The following ILDR2 variants were observed in gnomAD, a reference collection of about 807,000 sequenced individuals.
The protein encoded by ILDR2 is immunoglobulin-like domain-containing receptor 2.
ILDR2 carries 25 observed loss-of-function variants against 66.8 expected under a neutral mutation model. The observed-to-expected ratio is 0.37, with a 90% CI of 0.27 to 0.52. The LOEUF (loss-of-function observed/expected upper bound fraction) is 0.52. Ranked by LOEUF, ILDR2 falls within the 20% of genes least tolerant of loss-of-function variation. ILDR2 has a pLI of 0.88. For synonymous variants in ILDR2, 367 were observed against 357.2 expected, an observed-to-expected ratio of 1.03 and a Z score of -0.31; for missense variants, 827 against 876.8, an observed-to-expected ratio of 0.94 and a Z score of 0.72.
At chr1:166,946,196 C>A (rs1661602148) in intron 3 of ILDR2, among the ~76,000 whole-genome samples, 1 of 152,194 alleles carries the variant, frequency 6.6e-6, no homozygotes, top group Non-Finnish European at 1.5e-5. Context: ...CAAGGGCACA[C>A]ACATCCCAGT....
At chr1:166,961,454 C>G (rs1571199159) in intron 1 of ILDR2, among the ~76,000 whole-genome samples, 1 of 152,142 alleles carries the variant, frequency 6.6e-6, no homozygotes, top group African/African-American at 2.4e-5. Context: ...ATAAAAAATA[C>G]ATTCTCAGAA....
chr1:166,967,116 T>C (rs1662998791), intron 1 of ILDR2, among the ~76,000 whole-genome samples: 1 of 152,216 alleles, frequency 6.6e-6, no homozygotes, highest in South Asian at 2.1e-4. Context: ...TGTGGCCATG[T>C]GACTAGGCTC....
chr1:166,905,685 T>C (rs953829456), downstream of ILDR2, among the ~76,000 whole-genome samples: 3 of 152,204 alleles, frequency 2.0e-5, no homozygotes, highest in African/African-American at 4.8e-5. Context: ...TATGTGCTGA[T>C]AAAAACACAT....
chr1:166,975,279 T>G lies in ILDR2; in HGVS notation c.-11A>C. On this transcript the variant is annotated 5_prime_UTR_variant, in exon 1 of 10. Coordinates refer to ENST00000271417, the MANE Select transcript of ILDR2 (RefSeq NM_199351.3). ...CAAGACCCTATCCATCTTCCCCAACTTCCCAGCCGAATTACGGAGTGAGGA... is the reference window on the plus strand; with the variant it reads ...CAAGACCCTATCCATCTTCCCCAACGTCCCAGCCGAATTACGGAGTGAGGA... 1.9e-6 allele frequency: 3 copies of G among 1,610,222 alleles called. No individual in the cohort carries two copies. Among genetic ancestry groups the G allele is most frequent in the Non-Finnish European group, 1.7e-6 (2 of 1,177,428 alleles).
rs1263384363 is a variant in ILDR2, at chr1:166,917,837, A to G, written c.*1518T>C. On this transcript the variant is annotated 3_prime_UTR_variant, in exon 10 of 10. Transcript: ENST00000271417. ...AGTTGACGGGCTGTCAGATAGGGTGACAAGGGTAACTGGGCCCTTTTCTTT... is the reference window on the plus strand; with the variant it reads ...AGTTGACGGGCTGTCAGATAGGGTGGCAAGGGTAACTGGGCCCTTTTCTTT... The G allele has an allele frequency of 6.6e-6, 1 of 152,236 alleles. No individual in the cohort carries two copies. Among genetic ancestry groups the G allele is most frequent in the East Asian group, 1.9e-4 (1 of 5,196 alleles). The allele number at this position is 152,236 out of a possible 1,614,324, so 9.4% of individuals were successfully genotyped here. A position where few individuals can be genotyped will look rare whatever the true frequency, so the allele number is the denominator to read the frequency against.
chr1:166,922,455 A>T, intron 8 of ILDR2, 138 bp downstream of exon 8: 1 of 705,544 alleles, frequency 1.4e-6, no homozygotes, highest in Non-Finnish European at 2.5e-6. Flanking sequence ...AATATCCTGT[A>T]GAAAGAGAGA....
At chr1:166,904,963 T>A (rs111386174), downstream of ILDR2, among the ~76,000 whole-genome samples, 1 of 152,032 alleles carries the variant, frequency 6.6e-6, no homozygotes, top group African/African-American at 2.4e-5. Context: ...AAAGAAAAAA[T>A]CCCTTTGTGC....
intron 2 of ILDR2, among the ~76,000 whole-genome samples, chr1:166,896,828 T>A (rs970356725): frequency 1.3e-5 from 2 of 151,984 alleles, no homozygotes; most frequent in African/African-American, 4.8e-5. Context: ...AGAGATGGGG[T>A]TTCACTATGT....
chr1:166,975,132 G>T, intron 1 of ILDR2, 91 bp downstream of exon 1: 2 of 1,112,638 alleles, frequency 1.8e-6, no homozygotes, highest in South Asian at 2.5e-5. Flanking sequence ...TGGTCAGTAA[G>T]GAGGAAAATG....
rs1481176154 is a variant in ILDR2, at chr1:166,914,450, T to C, written c.*4905A>G. The C allele has an allele frequency of 3.9e-5, 6 of 152,240 alleles. No homozygotes were observed. The East Asian group carries it at 1.2e-3, about 29-fold the overall frequency. The allele number at this position is 152,240 out of a possible 1,614,324, so 9.4% of individuals were successfully genotyped here. A position where few individuals can be genotyped will look rare whatever the true frequency, so the allele number is the denominator to read the frequency against. The stretch of plus-strand genomic sequence containing the variant: ...AACCATTTGACTACAGACAAGTCAC[T>C]TAGTATTTTTCAACCTCAGTTTTAC... On this transcript the variant is annotated 3_prime_UTR_variant, in exon 10 of 10. Coordinates refer to ENST00000271417, the MANE Select transcript of ILDR2 (RefSeq NM_199351.3).
At chr1:166,929,204 A>C (rs1491001526) in intron 6 of ILDR2, among the ~76,000 whole-genome samples, 2 of 152,182 alleles carry the variant, frequency 1.3e-5, no homozygotes, top group Non-Finnish European at 2.9e-5. Flanking sequence ...CCAACCTTTA[A>C]ATAATCTCTT....
chr1:166,953,897 T>C (rs1662126898), intron 3 of ILDR2, among the ~76,000 whole-genome samples: 1 of 152,230 alleles, frequency 6.6e-6, no homozygotes, highest in African/African-American at 2.4e-5. Flanking sequence ...ACTTATTCCA[T>C]CTTTAGATGT....
Position 166,975,329 on chromosome 1 carries a change from G to T in ILDR2, c.-61C>A. On this transcript the variant is annotated 5_prime_UTR_variant, in exon 1 of 10. Transcript: ENST00000271417. Reference sequence around the variant, plus strand: ...AAAGTGGGAAATGGCTGGAACAGAAGGATCGCTGTCACCCCGCGGCAGCGG... The same window carrying T: ...AAAGTGGGAAATGGCTGGAACAGAATGATCGCTGTCACCCCGCGGCAGCGG... The T allele has an allele frequency of 6.6e-7, 1 of 1,508,940 alleles. No individual in the cohort carries two copies. 93.5% of individuals were successfully genotyped at this position (1,508,940 alleles called of 1,614,324 possible). A position where few individuals can be genotyped will look rare whatever the true frequency, so the allele number is the denominator to read the frequency against.
rs898708218 is a variant in ILDR2 at position 166,912,293 on chromosome 1, A to G, written c.*7062T>C. The G allele has an allele frequency of 6.6e-6, 1 of 152,212 alleles. No individual in the cohort carries two copies. Among genetic ancestry groups the G allele is most frequent in the Non-Finnish European group, 1.5e-5 (1 of 68,024 alleles). The allele number at this position is 152,212 out of a possible 1,614,324, so 9.4% of individuals were successfully genotyped here. ...AATTATCTTTCAAGAACAAGAATGA[A>G]ATAAAGACTTTTACATCAACAAAGA... On this transcript the variant is annotated 3_prime_UTR_variant, in exon 10 of 10. Coordinates refer to ENST00000271417, the MANE Select transcript of ILDR2 (RefSeq NM_199351.3).
intron 3 of ILDR2, among the ~76,000 whole-genome samples, chr1:166,950,640 G>C (rs1661920836): frequency 6.6e-6 from 1 of 151,492 alleles, no homozygotes; most frequent in Admixed American, 6.6e-5. Context: ...ATACTATATG[G>C]CTTTTTAATA....
At chr1:166,965,570 G>GTTTTTTTTT (rs535388259) in intron 1 of ILDR2, among the ~76,000 whole-genome samples, 2 of 127,400 alleles carry the variant, frequency 1.6e-5, no homozygotes, top group Non-Finnish European at 1.6e-5. Flanking sequence ...GTTAGGTTTT[G>GTTTTTTTTT]TTTTTTTTTT....
intron 7 of ILDR2, 80 bp downstream of exon 7, chr1:166,926,987 A>C (rs1389085610): frequency 1.0e-6 from 1 of 957,104 alleles, no homozygotes; most frequent in Non-Finnish European, 1.6e-6. Flanking sequence ...AGGGCTGCCC[A>C]AGTTTGGTGA....
chr1:166,956,534 G>A (rs185316510), intron 3 of ILDR2, among the ~76,000 whole-genome samples, 199 bp downstream of exon 3: 12 of 151,992 alleles, frequency 7.9e-5, no homozygotes, highest in Admixed American at 2.6e-4. Flanking sequence ...GGGCGGGGGG[G>A]TCATAGCTTT....
intron 1 of ILDR2, among the ~76,000 whole-genome samples, chr1:166,964,464 T>C (rs993904497): frequency 2.0e-5 from 3 of 152,362 alleles, no homozygotes; most frequent in East Asian, 3.9e-4. Context: ...GTTGACTTTG[T>C]ATCCCTAGTA....
Sources: allele counts gnomAD v4.1 joint callset (sites outside exome capture counted in the v4.1 genomes callset), GRCh38; gene constraint gnomAD v4.1.1; transcripts MANE v1.5; gene names NCBI Gene and HGNC (gene_info 2026-07-23, HGNC 2026-07-21).